CLTRN: variants seen among roughly 807,000 people sequenced by gnomAD.
CLTRN encodes collectrin.
CLTRN carries 12 observed loss-of-function variants against 14.5 expected under a neutral mutation model. That is an observed-to-expected ratio of 0.83 (90% CI 0.53 to 1.34). The LOEUF (loss-of-function observed/expected upper bound fraction) is 1.34, where lower values mean the gene tolerates loss of function less well. Among genes scored for constraint, CLTRN ranks in the 40% most tolerant of loss-of-function variants. The pLI is 0.00. For synonymous variants in CLTRN, 58 were observed against 56.5 expected, an observed-to-expected ratio of 1.03 and a Z score of -0.12; for missense variants, 154 against 165.1, an observed-to-expected ratio of 0.93 and a Z score of 0.37.
chrX:15,638,269 A>C (rs1928862616), intron 5 of CLTRN, among the ~76,000 whole-genome samples: 1 of 112,694 alleles, frequency 8.9e-6, no homozygotes, highest in Non-Finnish European at 1.9e-5. Flanking sequence ...AGATCATCAA[A>C]AAAATCAGGT....
intron 4 of CLTRN, among the ~76,000 whole-genome samples, chrX:15,642,691 C>T (rs1928969270): frequency 8.9e-6 from 1 of 112,109 alleles, no homozygotes; most frequent in South Asian, 3.6e-4. Context: ...TGCCTAGGTT[C>T]AAGTCCTCAC....
chrX:15,646,460 C>A, intron 3 of CLTRN: 2 of 217,366 alleles, frequency 9.2e-6, no homozygotes, highest in Non-Finnish European at 1.7e-5. Flanking sequence ...AACCGCGCAC[C>A]CACCCCCCCG....
intron 3 of CLTRN, among the ~76,000 whole-genome samples, chrX:15,654,139 G>A (rs769458117): frequency 8.9e-6 from 1 of 111,777 alleles, no homozygotes; most frequent in African/African-American, 3.3e-5. Flanking sequence ...CTAAATAGGC[G>A]CTGGGCTGCT....
intron 3 of CLTRN, chrX:15,646,458 A>ACCCCCCCCCCCCCCCCCCC: frequency 3.9e-5 from 9 of 228,788 alleles, no homozygotes; most frequent in South Asian, 1.2e-4. Context: ...AAAACCGCGC[A>ACCCCCCCCCCCCCCCCCCC]CCCACCCCCC....
chrX:15,665,280 C>T (rs1281317334), upstream of CLTRN, among the ~76,000 whole-genome samples: 2 of 112,021 alleles, frequency 1.8e-5, no homozygotes, highest in African/African-American at 6.5e-5. Context: ...CTCACCACAG[C>T]GGGTGAACAT....
At chrX:15,632,273 C>A in intron 5 of CLTRN, among the ~76,000 whole-genome samples, 1 of 112,310 alleles carries the variant, frequency 8.9e-6, no homozygotes, top group East Asian at 2.8e-4. Flanking sequence ...TTTCTGTCCC[C>A]CTTCAAACAA....
chrX:15,645,373 T>G (rs757360505), intron 3 of CLTRN, among the ~76,000 whole-genome samples: 4 of 110,829 alleles, frequency 3.6e-5, no homozygotes, highest in Non-Finnish European at 7.6e-5. Flanking sequence ...CAGAAACCTT[T>G]GGTATTTTCT....
chrX:15,654,265 T>C (rs1929295023), intron 3 of CLTRN, among the ~76,000 whole-genome samples: 1 of 112,865 alleles, frequency 8.9e-6, no homozygotes, highest in African/African-American at 3.2e-5. Context: ...ATCCATTATA[T>C]ATTCTACACC....
At chrX:15,648,208 A>C (rs1030435458) in intron 3 of CLTRN, among the ~76,000 whole-genome samples, 3 of 111,656 alleles carry the variant, frequency 2.7e-5, no homozygotes, top group Non-Finnish European at 5.6e-5. Context: ...CCCAAATGTC[A>C]ATCAGTACGG....
chrX:15,640,075 C>T (rs974269766), intron 4 of CLTRN, among the ~76,000 whole-genome samples: 4 of 108,834 alleles, frequency 3.7e-5, no homozygotes, highest in African/African-American at 1.1e-4. Context: ...CGGAGGGACT[C>T]GTCTCTGGAG....
At chrX:15,652,119 A>G (rs1929232154) in intron 3 of CLTRN, among the ~76,000 whole-genome samples, 1 of 112,391 alleles carries the variant, frequency 8.9e-6, no homozygotes, top group Non-Finnish European at 1.9e-5. Context: ...AATTTCTTCC[A>G]GTTATAGATT....
At chrX:15,664,898 A>G (rs1435512324), upstream of CLTRN, 33 of 568,853 alleles carry the variant, frequency 5.8e-5, no homozygotes, top group Admixed American at 1.1e-3. Flanking sequence ...CCACCACCAA[A>G]AAGGTTTAAT....
chrX:15,634,708 TC>T (rs938079035), intron 5 of CLTRN, among the ~76,000 whole-genome samples: 5 of 98,444 alleles, frequency 5.1e-5, no homozygotes, highest in Admixed American at 3.7e-4. Context: ...CCGCATATTC[TC>T]ACTCATAGGT....
intron 5 of CLTRN, among the ~76,000 whole-genome samples, chrX:15,632,692 C>A (rs1008659266): frequency 9.3e-6 from 1 of 107,321 alleles, no homozygotes; most frequent in Non-Finnish European, 1.9e-5. Flanking sequence ...GAGATCAAGA[C>A]CACCCTGGCT....
chrX:15,653,005 G>A (rs1220741860), intron 3 of CLTRN, among the ~76,000 whole-genome samples: 2 of 111,167 alleles, frequency 1.8e-5, no homozygotes, highest in African/African-American at 3.3e-5. Flanking sequence ...TGCGTTAACC[G>A]AGGAGATGGA....
At chrX:15,639,945 A>G (rs1197397652) in intron 4 of CLTRN, among the ~76,000 whole-genome samples, 189 bp from the exon 5 acceptor site, 1 of 112,378 alleles carries the variant, frequency 8.9e-6, no homozygotes, top group Non-Finnish European at 1.9e-5. Context: ...AAGTTACAAC[A>G]CTAGCTGCCA....
chrX:15,644,839 C>CAA, intron 4 of CLTRN, 77 bp downstream of exon 4: 2 of 613,934 alleles, frequency 3.3e-6, no homozygotes, highest in Non-Finnish European at 5.1e-6. Context: ...TAAAACTCTT[C>CAA]AATATCTATT....
At chrX:15,674,158 A>G (rs758799332) in intron 1 of CLTRN, among the ~76,000 whole-genome samples, 4 of 112,706 alleles carry the variant, frequency 3.5e-5, no homozygotes, top group African/African-American at 1.3e-4. Context: ...GAAAGTGTCC[A>G]TCCTCTAAGA....
chrX:15,661,548 A>G (rs1247968008), intron 2 of CLTRN, among the ~76,000 whole-genome samples: 1 of 112,479 alleles, frequency 8.9e-6, no homozygotes, highest in East Asian at 2.8e-4. Flanking sequence ...GCATTCAAAC[A>G]CTTCAAAGAG....
Sources: gnomAD v4.1 joint callset for allele counts (sites outside exome capture counted in the v4.1 genomes callset) on GRCh38, gnomAD v4.1.1 for gene constraint, MANE v1.5 for transcripts, NCBI Gene and HGNC (gene_info 2026-07-23, HGNC 2026-07-21) for gene names.